Variants in DAP observed in about 807,000 individuals in gnomAD.
DAP encodes the protein death associated protein.
Under a neutral mutation model 13.8 loss-of-function variants are expected in DAP, and 8 were observed. The ratio of observed to expected loss-of-function variants is 0.58; its 90% confidence interval spans 0.34 to 1.05. The LOEUF (loss-of-function observed/expected upper bound fraction) is 1.05. Among genes scored for constraint, DAP ranks in the 50% least tolerant of loss-of-function variants. The pLI is 0.03. For synonymous variants in DAP, 47 were observed against 47.5 expected, an observed-to-expected ratio of 0.99 and a Z score of 0.04; for missense variants, 106 against 133.2, an observed-to-expected ratio of 0.80 and a Z score of 1.01.
intron 2 of DAP, among the ~76,000 whole-genome samples, chr5:10,735,256 C>T (rs1739579153): frequency 6.6e-6 from 1 of 152,186 alleles, no homozygotes; most frequent in Admixed American, 6.5e-5. Flanking sequence ...AAGGGAAGCG[C>T]TCCTGCCTGT....
intron 2 of DAP, among the ~76,000 whole-genome samples, chr5:10,720,209 C>T (rs1175408372): frequency 1.3e-5 from 2 of 152,204 alleles, no homozygotes; most frequent in East Asian, 1.9e-4. Context: ...TGAGCCACTT[C>T]CTCATGTAAC....
rs77541893 is a variant in DAP, at chr5:10,751,904, C to T, written c.56-3633G>A. Among the ~76,000 whole-genome samples, 24 of 152,322 alleles carry T rather than the reference C, an allele frequency of 1.6e-4. No individual in the cohort carries two copies. In the East Asian group the frequency reaches 4.4e-3, roughly 28 times the overall value. The stretch of plus-strand genomic sequence containing the variant: ...GAGAAATAAATGTCTATGGTTTAAG[C>T]CACCCAGTCTGTGGTATTTTGTTAA... On this transcript the variant is annotated intron_variant, in intron 1 of 3. Coordinates refer to ENST00000230895, the MANE Select transcript of DAP (RefSeq NM_004394.3).
At chr5:10,691,580 T>G (rs1453599602) in intron 2 of DAP, among the ~76,000 whole-genome samples, 1 of 152,238 alleles carries the variant, frequency 6.6e-6, no homozygotes, top group Non-Finnish European at 1.5e-5. Context: ...GATAGCTGCT[T>G]TGAGGATTTA....
intron 2 of DAP, among the ~76,000 whole-genome samples, chr5:10,736,490 A>G (rs1243040561): frequency 6.6e-6 from 1 of 152,192 alleles, no homozygotes; most frequent in African/African-American, 2.4e-5. Flanking sequence ...GTCATCCTGC[A>G]TGGGGCTTCA....
intron 2 of DAP, among the ~76,000 whole-genome samples, chr5:10,722,426 T>C (rs769521668): frequency 6.6e-6 from 1 of 152,092 alleles, no homozygotes; most frequent in African/African-American, 2.4e-5. Flanking sequence ...CTCCTCAAGC[T>C]TGCAGACAGC....
intron 2 of DAP, among the ~76,000 whole-genome samples, chr5:10,686,038 C>T (rs1483220558): frequency 6.6e-6 from 1 of 152,218 alleles, no homozygotes; most frequent in Non-Finnish European, 1.5e-5. Context: ...ATAAGCAAGT[C>T]TATGGGTGTC....
At chr5:10,713,170 T>G (rs960502376) in intron 2 of DAP, among the ~76,000 whole-genome samples, 1 of 152,042 alleles carries the variant, frequency 6.6e-6, no homozygotes, top group Non-Finnish European at 1.5e-5. Context: ...GGCTCCATAA[T>G]CGATTCCTAG....
chr5:10,726,069 A>C (rs956203718), intron 2 of DAP, among the ~76,000 whole-genome samples: 1 of 152,238 alleles, frequency 6.6e-6, no homozygotes, highest in African/African-American at 2.4e-5. Flanking sequence ...TTAAGTTGAG[A>C]CATAATCATA....
At chr5:10,735,172 T>TAAA (rs57849320) in intron 2 of DAP, among the ~76,000 whole-genome samples, 2 of 151,824 alleles carry the variant, frequency 1.3e-5, no homozygotes, top group Admixed American at 6.6e-5. Flanking sequence ...ACAAGTAGCT[T>TAAA]AAAAAAAATT....
chr5:10,683,642 G>T, intron 2 of DAP, 71 bp from the exon 3 acceptor site: 1 of 1,470,804 alleles, frequency 6.8e-7, no homozygotes, highest in African/African-American at 1.4e-5. Context: ...GGCAGACGAT[G>T]TGTATGTGGA....
At chr5:10,737,805 C>T (rs966245977) in intron 2 of DAP, among the ~76,000 whole-genome samples, 1 of 152,222 alleles carries the variant, frequency 6.6e-6, no homozygotes, top group Admixed American at 6.5e-5. Flanking sequence ...ACTCCCAGTA[C>T]TTCAGAATGT....
At chr5:10,689,065 G>A (rs953333013) in intron 2 of DAP, among the ~76,000 whole-genome samples, 8 of 152,120 alleles carry the variant, frequency 5.3e-5, no homozygotes, top group African/African-American at 1.7e-4. Context: ...TCCTCTGGGC[G>A]TCTCCTGCAT....
chr5:10,702,286 A>T (rs1738598409), intron 2 of DAP, among the ~76,000 whole-genome samples: 1 of 152,214 alleles, frequency 6.6e-6, no homozygotes, highest in Non-Finnish European at 1.5e-5. Flanking sequence ...CAGGCAGTGA[A>T]TGAACCAGGG....
intron 2 of DAP, among the ~76,000 whole-genome samples, chr5:10,719,635 T>A (rs1192148636): frequency 6.6e-6 from 1 of 152,166 alleles, no homozygotes; most frequent in Non-Finnish European, 1.5e-5. Context: ...CATCTATCCA[T>A]AAAGTGGGTC....
chr5:10,706,847 A>G (rs1579796390), intron 2 of DAP, among the ~76,000 whole-genome samples: 1 of 151,802 alleles, frequency 6.6e-6, no homozygotes, highest in African/African-American at 2.4e-5. Context: ...AGGGCTCAGC[A>G]TTCCAGAAAA....
At chr5:10,722,511 CATACAT>C (rs76398160) in intron 2 of DAP, among the ~76,000 whole-genome samples, 26,513 of 149,152 alleles carry the variant, frequency 0.18, 2,675 homozygotes, top group East Asian at 0.29. Context: ...CATACATATG[CATACAT>C]ATACATATAC....
At chr5:10,708,649 T>C (rs1738765642) in intron 2 of DAP, among the ~76,000 whole-genome samples, 1 of 152,228 alleles carries the variant, frequency 6.6e-6, no homozygotes, top group Non-Finnish European at 1.5e-5. Flanking sequence ...ATGTTATTAA[T>C]GATAACAGTT....
At chr5:10,690,785 TTGTG>T (rs1260933654) in intron 2 of DAP, among the ~76,000 whole-genome samples, 1 of 152,216 alleles carries the variant, frequency 6.6e-6, no homozygotes, top group Non-Finnish European at 1.5e-5. Flanking sequence ...TTCAATTATT[TTGTG>T]TGTAACTCAG....
chr5:10,698,299 A>AT (rs1738481810), intron 2 of DAP, among the ~76,000 whole-genome samples: 1 of 151,316 alleles, frequency 6.6e-6, no homozygotes, highest in African/African-American at 2.4e-5. Flanking sequence ...AAAAAAAAAA[A>AT]AAAAAAAAGA....
Sources: gnomAD v4.1 joint callset for allele counts (sites outside exome capture counted in the v4.1 genomes callset) on GRCh38, gnomAD v4.1.1 for gene constraint, MANE v1.5 for transcripts, NCBI Gene and HGNC (gene_info 2026-07-23, HGNC 2026-07-21) for gene names.